Variants in SYPL1 observed in about 807,000 individuals in gnomAD.
SYPL1 encodes synaptophysin like 1, also known as synaptophysin-like protein 1.
Under a neutral mutation model 23.7 loss-of-function variants are expected in SYPL1, and 6 were observed. The observed-to-expected ratio is 0.25, with a 90% CI of 0.14 to 0.50. The LOEUF is 0.50. Ranked by LOEUF, SYPL1 falls within the 20% of genes least tolerant of loss-of-function variation. The pLI is 0.98. For missense variants in SYPL1, 253 were observed against 288.9 expected, an observed-to-expected ratio of 0.88 and a Z score of 0.90; for synonymous variants, 102 against 104.5, an observed-to-expected ratio of 0.98 and a Z score of 0.15.
rs1261603865 is a variant in SYPL1, at chr7:106,090,862, A to G, written c.*943T>C. 1 of 152,248 alleles carries G rather than the reference A, an allele frequency of 6.6e-6. No homozygotes were observed. Among genetic ancestry groups the G allele is most frequent in the Non-Finnish European group, 1.5e-5 (1 of 68,028 alleles). 9.4% of individuals were successfully genotyped at this position (152,248 alleles called of 1,614,324 possible). A position where few individuals can be genotyped will look rare whatever the true frequency, so the allele number is the denominator to read the frequency against. On this transcript the variant is annotated 3_prime_UTR_variant, in exon 5 of 5. Transcript: ENST00000455385. ...AATTGCACTTATTTTCACAATATCA[A>G]TGCTAAACTCAAAATAGCAACTTCA...
At chr7:106,092,072 A>T in intron 4 of SYPL1, 133 bp from the exon 5 acceptor site, 1 of 813,372 alleles carries the variant, frequency 1.2e-6, no homozygotes, top group Non-Finnish European at 1.9e-6. Context: ...TTAAAGTTTA[A>T]TACTACACAC....
At chr7:106,103,413 G>A (rs551399479) in intron 1 of SYPL1, among the ~76,000 whole-genome samples, 1 of 152,082 alleles carries the variant, frequency 6.6e-6, no homozygotes, top group South Asian at 2.1e-4. Context: ...ATTTTTCATT[G>A]GGACTAACCC....
chr7:106,096,090 C>T lies in SYPL1; in HGVS notation c.402+1600G>A, dbSNP rs1840005968. On this transcript the variant is annotated intron_variant, in intron 3 of 4. Coordinates refer to ENST00000455385, the MANE Select transcript of SYPL1 (RefSeq NM_182715.4). This position sits in a 1 kb window ranked among gnomAD's most constrained non-coding sequence, Gnocchi z 4.4. Reference sequence around the variant, plus strand: ...TTATCTATAAGATTATTCCAGTTCCCTTTTAAATAAGATTTGAAAAGTCTG... The same window carrying T: ...TTATCTATAAGATTATTCCAGTTCCTTTTTAAATAAGATTTGAAAAGTCTG... 6.6e-6 allele frequency among the ~76,000 whole-genome samples: 1 copy of T among 152,084 alleles called. No homozygotes were observed. The highest frequency in any genetic ancestry group is 2.4e-5 in the African/African-American group (1 of 41,418).
At chr7:106,112,469 C>T (rs1790223501), upstream of SYPL1, 1 of 1,504,180 alleles carries the variant, frequency 6.6e-7, no homozygotes, top group Non-Finnish European at 8.8e-7. Context: ...GGCTTCTCCT[C>T]AGGCCGCACC....
At chr7:106,110,193 A>C (rs2040839313) in intron 1 of SYPL1, among the ~76,000 whole-genome samples, 1 of 152,062 alleles carries the variant, frequency 6.6e-6, no homozygotes, top group Non-Finnish European at 1.5e-5. Flanking sequence ...AACAATCTCA[A>C]ACCGTACCCT....
intron 1 of SYPL1, among the ~76,000 whole-genome samples, chr7:106,101,002 G>A (rs1427880130): frequency 6.6e-6 from 1 of 152,138 alleles, no homozygotes; most frequent in Non-Finnish European, 1.5e-5. Context: ...TCTTCCTTCA[G>A]GACCTTTGCA....
In SYPL1 at chr7:106,100,050, C is replaced by T. The variant is rs531999215; in HGVS notation, c.70-768G>A. 1.7e-4 allele frequency among the ~76,000 whole-genome samples: 26 copies of T among 152,146 alleles called. No homozygotes were observed. In the South Asian group the frequency reaches 4.4e-3, roughly 25 times the overall value. ...GGAGACTCATTTATTAGTATAAAAT[C>T]AAAAGGGGTGAATTGGAGGTATTTT... On this transcript the variant is annotated intron_variant, in intron 1 of 4. Coordinates refer to ENST00000455385, the MANE Select transcript of SYPL1 (RefSeq NM_182715.4). The surrounding 1 kb of genome is among the most constrained non-coding windows in gnomAD (Gnocchi z 5.1).
At position 106,092,985 on chromosome 7, in the gene SYPL1, G is replaced by A. The variant is rs1839819640; in HGVS notation, c.555C>T (p.Gly185=). The stretch of plus-strand genomic sequence containing the variant: ...TTAGGGATCCCATACTGGTCACAGA[G>A]CCAAAGTAACACAGTACTGCTTTCT... ...CKKKAVLCYF[G]SVTSMGSLNV... Residue 185 remains glycine (G), a synonymous_variant, in exon 4 of 5, where the codon GGC becomes GGT. Coordinates refer to ENST00000455385, the MANE Select transcript of SYPL1 (RefSeq NM_182715.4). 1.9e-6 allele frequency: 3 copies of A among 1,609,830 alleles called. No individual in the cohort carries two copies. The highest frequency in any genetic ancestry group is 1.7e-6 in the Non-Finnish European group (2 of 1,178,372).
In SYPL1 at chr7:106,097,727, G is replaced by A; in HGVS notation, c.365C>T (p.Thr122Met). 5 of 1,613,742 alleles carry A rather than the reference G, an allele frequency of 3.1e-6. No homozygotes were observed. Among genetic ancestry groups the A allele is most frequent in the South Asian group, 2.2e-5 (2 of 91,050 alleles). Residue 122 changes from threonine to methionine, a missense_variant, in exon 3 of 5, where the codon ACG (threonine) becomes ATG (methionine). Thr to Met is a moderately conservative substitution (Grantham distance 81, BLOSUM62 -1). Coordinates refer to ENST00000455385, the MANE Select transcript of SYPL1 (RefSeq NM_182715.4). This position sits in a 1 kb window ranked among gnomAD's most constrained non-coding sequence, Gnocchi z 4.6. ...TTTACGACTATCCAGATACAGACTC[G>A]TGTAGCCAACATAAAGCAGAAGGGC... Reference protein sequence around the residue: ...IAALLLYVGYTSLYLDSRKLP... With the variant: ...IAALLLYVGYMSLYLDSRKLP...
chr7:106,102,279 A>C (rs1443351144), intron 1 of SYPL1, among the ~76,000 whole-genome samples: 1 of 152,136 alleles, frequency 6.6e-6, no homozygotes, highest in East Asian at 1.9e-4. Context: ...TATTTTCGGT[A>C]GAGACGGGGT....
At position 106,112,257 on chromosome 7, in the gene SYPL1, G is replaced by T; in HGVS notation, c.-49C>A. 6.6e-7 allele frequency: 1 copy of T among 1,512,662 alleles called. No individual in the cohort carries two copies. Among genetic ancestry groups the T allele is most frequent in the Non-Finnish European group, 8.9e-7 (1 of 1,120,284 alleles). The allele number at this position is 1,512,662 out of a possible 1,614,324, so 93.7% of individuals were successfully genotyped here. A position where few individuals can be genotyped will look rare whatever the true frequency, so the allele number is the denominator to read the frequency against. Reference sequence around the variant, plus strand: ...GAGTCAGGACGACGGGGCGGAGGAGGGGACCGACGAGACCAGAGCAGCCCG... The same window carrying T: ...GAGTCAGGACGACGGGGCGGAGGAGTGGACCGACGAGACCAGAGCAGCCCG... On this transcript the variant is annotated 5_prime_UTR_variant, in exon 1 of 5. Coordinates refer to ENST00000455385, the MANE Select transcript of SYPL1 (RefSeq NM_182715.4).
At chr7:106,112,376 T>A (rs1165869867), upstream of SYPL1, 2 of 1,296,720 alleles carry the variant, frequency 1.5e-6, no homozygotes, top group Non-Finnish European at 2.0e-6. Flanking sequence ...GCGGCGGCGG[T>A]TGAGCTGCTG....
rs533924422 is a variant in SYPL1, at chr7:106,097,754, G to A, written c.338C>T (p.Ala113Val). The change falls in exon 3 of 5, where the codon GCT (alanine) becomes GTT (valine). Residue 113 changes from alanine (A) to valine (V), a missense_variant. Physicochemically the swap from Ala to Val is moderately conservative, Grantham distance 64. Coordinates refer to ENST00000455385, the MANE Select transcript of SYPL1 (RefSeq NM_182715.4). The surrounding 1 kb of genome is among the most constrained non-coding windows in gnomAD (Gnocchi z 4.6). Reference protein sequence around the residue: ...FAVFVFLYCIAALLLYVGYTS... With the variant: ...FAVFVFLYCIVALLLYVGYTS... The stretch of plus-strand genomic sequence containing the variant: ...GTAGCCAACATAAAGCAGAAGGGCA[G>A]CAATGCAGTACAGGAACACAAAGAC... The A allele has an allele frequency of 6.2e-7, 1 of 1,614,050 alleles. No homozygotes were observed. The highest frequency in any genetic ancestry group is 1.3e-5 in the African/African-American group (1 of 75,060).
Position 106,097,950 on chromosome 7 carries a change from T to C in SYPL1, c.195-53A>G. On this transcript the variant is annotated intron_variant, in intron 2 of 4. Coordinates refer to ENST00000455385, the MANE Select transcript of SYPL1 (RefSeq NM_182715.4). This position sits in a 1 kb window ranked among gnomAD's most constrained non-coding sequence, Gnocchi z 4.6. ...GACTTTCCCAACAGAGACAGAAACA[T>C]TTAAGCAAAACAATGAGTGACACTT... 1.4e-6 allele frequency: 2 copies of C among 1,478,492 alleles called. No individual in the cohort carries two copies. The highest frequency in any genetic ancestry group is 1.4e-5 in the African/African-American group (1 of 72,276). The allele number at this position is 1,478,492 out of a possible 1,614,324, so 91.6% of individuals were successfully genotyped here.
Position 106,100,376 on chromosome 7 carries a change from T to C in SYPL1, c.70-1094A>G, listed in dbSNP as rs772937300. 5.3e-5 allele frequency among the ~76,000 whole-genome samples: 8 copies of C among 152,308 alleles called. No homozygotes were observed. The highest frequency in any genetic ancestry group is 1.2e-4 in the Non-Finnish European group (8 of 68,020). ...ATATAGCTGTTGGAAATTAACAACATAGAATGTTGGAGATTAACAACATAG... is the reference window on the plus strand; with the variant it reads ...ATATAGCTGTTGGAAATTAACAACACAGAATGTTGGAGATTAACAACATAG... On this transcript the variant is annotated intron_variant, in intron 1 of 4. Transcript: ENST00000455385. The surrounding 1 kb of genome is among the most constrained non-coding windows in gnomAD (Gnocchi z 5.1).
chr7:106,111,034 G>C (rs1451405411), intron 1 of SYPL1, among the ~76,000 whole-genome samples: 1 of 152,142 alleles, frequency 6.6e-6, no homozygotes, highest in Non-Finnish European at 1.5e-5. Flanking sequence ...GTAGTCATTT[G>C]TGTGAAGTCA....
rs1732495402 is a variant in SYPL1, at chr7:106,109,961, G to A, written c.69+2179C>T. ...ATGGATTGGAAAGGTCAGAATTGGA[G>A]GGAGAAATCGATTGATTGAGGAATT... On this transcript the variant is annotated intron_variant, in intron 1 of 4. Coordinates refer to ENST00000455385, the MANE Select transcript of SYPL1 (RefSeq NM_182715.4). The surrounding 1 kb of genome is among the most constrained non-coding windows in gnomAD (Gnocchi z 4.3). Among the ~76,000 whole-genome samples, 2 of 152,130 alleles carry A rather than the reference G, an allele frequency of 1.3e-5. No homozygotes were observed. Among genetic ancestry groups the A allele is most frequent in the South Asian group, 4.1e-4 (2 of 4,828 alleles).
rs1386349748 is a variant in SYPL1, at chr7:106,092,961, T to C, written c.579A>G (p.Leu193=). 2.5e-6 allele frequency: 4 copies of C among 1,585,966 alleles called. No homozygotes were observed. In the Admixed American group the frequency reaches 5.6e-5, roughly 22 times the overall value. The change falls in exon 4 of 5, where the codon CTA becomes CTG. Residue 193 remains leucine, a synonymous_variant. Coordinates refer to ENST00000455385, the MANE Select transcript of SYPL1 (RefSeq NM_182715.4). ...AATGCATACATACCACAGATACATTTAGGGATCCCATACTGGTCACAGAGC... is the reference window on the plus strand; with the variant it reads ...AATGCATACATACCACAGATACATTCAGGGATCCCATACTGGTCACAGAGC... ...YFGSVTSMGS[L]NVSVIFGFLN...
In SYPL1 at chr7:106,090,668, A is replaced by C. The variant is rs1426780744; in HGVS notation, c.*1137T>G. On this transcript the variant is annotated 3_prime_UTR_variant, in exon 5 of 5. Coordinates refer to ENST00000455385, the MANE Select transcript of SYPL1 (RefSeq NM_182715.4). ...TAAGAAACCTGAATCCCTGTACAAC[A>C]AAAAGATTAGGAAGCAAAATGTGAA... is the stretch of plus-strand genomic sequence containing the variant. The C allele has an allele frequency of 6.6e-6, 1 of 152,638 alleles. No individual in the cohort carries two copies. The highest frequency in any genetic ancestry group is 1.9e-4 in the East Asian group (1 of 5,206). 9.5% of individuals were successfully genotyped at this position (152,638 alleles called of 1,614,324 possible).
Sources: gnomAD v4.1 joint callset for allele counts (sites outside exome capture counted in the v4.1 genomes callset) on GRCh38, gnomAD v4.1.1 for gene constraint, Gnocchi (gnomAD v3.1) non-coding constraint, MANE v1.5 for transcripts, NCBI Gene and HGNC (gene_info 2026-07-23, HGNC 2026-07-21) for gene names.